Variants in ARIH2 observed in about 807,000 individuals in gnomAD.
ARIH2 encodes the protein E3 ubiquitin-protein ligase ARIH2.
A neutral mutation model predicts 79.8 loss-of-function variants in ARIH2; 12 were observed. The ratio of observed to expected loss-of-function variants is 0.15; its 90% CI spans 0.10 to 0.24. The LOEUF is 0.24. ARIH2 is among the 10% of genes least tolerant of loss of function. ARIH2 has a pLI of 1.00. For synonymous variants in ARIH2, 224 were observed against 213.9 expected (o/e 1.05, Z -0.41); for missense variants, 301 against 618.3 (o/e 0.49, Z 5.44).
chr3:48,980,016 G>A (rs1336515966), intron 12 of ARIH2: 4 of 241,458 alleles, frequency 1.7e-5, no homozygotes, highest in East Asian at 7.8e-5. Context: ...GTCAGATTTG[G>A]AAGGCAGTTT....
At chr3:48,976,453 C>T (rs1178651661) in intron 11 of ARIH2, among the ~76,000 whole-genome samples, 2 of 151,912 alleles carry the variant, frequency 1.3e-5, no homozygotes, top group South Asian at 2.1e-4. Context: ...CCAGGCAATC[C>T]GCCTGCCTCG....
intron 3 of ARIH2, among the ~76,000 whole-genome samples, chr3:48,935,391 A>G (rs2086969719): frequency 6.6e-6 from 1 of 152,212 alleles, no homozygotes; most frequent in East Asian, 1.9e-4. Context: ...GCTGTGTAGC[A>G]TGCCATCTTG....
chr3:48,939,757 CAAA>C (rs1190260583), intron 3 of ARIH2, among the ~76,000 whole-genome samples: 1 of 43,536 alleles, frequency 2.3e-5, no homozygotes, highest in Non-Finnish European at 6.6e-5. Context: ...GACTCCATCT[CAAA>C]AAAAAAAAAA....
At chr3:48,970,795 G>T in intron 8 of ARIH2, 91 bp downstream of exon 8, 1 of 966,314 alleles carries the variant, frequency 1.0e-6, no homozygotes, top group Non-Finnish European at 1.6e-6. Context: ...GGCGGCACTG[G>T]AAGAGGCAGG....
chr3:48,983,776 T>G lies in ARIH2; in HGVS notation c.*506T>G, dbSNP rs2107718325. 1.2e-5 allele frequency: 2 copies of G among 160,532 alleles called. No individual in the cohort carries two copies. Among genetic ancestry groups the G allele is most frequent in the African/African-American group, 4.8e-5 (2 of 41,618 alleles). 9.9% of individuals were successfully genotyped at this position (160,532 alleles called of 1,614,324 possible). Reference sequence around the variant, plus strand: ...GGCCCTGGGCCTCTGCTTTCCATATTCACGTTTGGCCAGAGTTGTAGTCCC... The same window carrying G: ...GGCCCTGGGCCTCTGCTTTCCATATGCACGTTTGGCCAGAGTTGTAGTCCC... On this transcript the variant is annotated 3_prime_UTR_variant, in exon 16 of 16. Coordinates refer to ENST00000356401, the MANE Select transcript of ARIH2 (RefSeq NM_006321.4).
chr3:48,950,954 T>C (rs550297492), intron 3 of ARIH2, among the ~76,000 whole-genome samples: 23 of 150,614 alleles, frequency 1.5e-4, no homozygotes, highest in South Asian at 4.2e-4. Context: ...TCTTCTTCTT[T>C]TTTTTTTTTT....
At chr3:48,979,837 C>A in intron 12 of ARIH2, 1 of 506,778 alleles carries the variant, frequency 2.0e-6, no homozygotes. Context: ...AGGGAAGGAC[C>A]TGGTACTGAC....
intron 2 of ARIH2, among the ~76,000 whole-genome samples, chr3:48,923,257 T>C (rs1377762918): frequency 6.6e-6 from 1 of 151,502 alleles, no homozygotes; most frequent in Non-Finnish European, 1.5e-5. Flanking sequence ...AAAAATTAGC[T>C]GGGCATTGTG....
At chr3:48,947,207 G>A (rs2089291455) in intron 3 of ARIH2, among the ~76,000 whole-genome samples, 1 of 152,186 alleles carries the variant, frequency 6.6e-6, no homozygotes. Flanking sequence ...TTGGGAGGCC[G>A]AGGCGGGGGG....
intron 11 of ARIH2, among the ~76,000 whole-genome samples, chr3:48,977,091 A>G (rs1291500373): frequency 1.3e-5 from 2 of 151,684 alleles, no homozygotes; most frequent in African/African-American, 4.8e-5. Context: ...AGTCCCAGCT[A>G]TTCGGGAGGC....
chr3:48,979,738 G>C, intron 12 of ARIH2, 105 bp downstream of exon 12: 1 of 1,270,640 alleles, frequency 7.9e-7, no homozygotes, highest in Non-Finnish European at 1.1e-6. Flanking sequence ...TGTGCACATA[G>C]AAGTCAGTGA....
intron 3 of ARIH2, chr3:48,943,225 G>T (rs1015009079): frequency 6.6e-6 from 1 of 151,924 alleles, no homozygotes; most frequent in African/African-American, 2.4e-5. Context: ...GATTCTTCAG[G>T]CTCCAGCCTG....
At chr3:48,943,317 G>A (rs979796060) in intron 3 of ARIH2, 4 of 151,938 alleles carry the variant, frequency 2.6e-5, no homozygotes, top group African/African-American at 9.7e-5. Context: ...CGCCCTTCTT[G>A]CAACCCTCGA....
chr3:48,961,337 T>C (rs2091236821), intron 3 of ARIH2, among the ~76,000 whole-genome samples: 1 of 152,194 alleles, frequency 6.6e-6, no homozygotes, highest in Admixed American at 6.5e-5. Flanking sequence ...TAGGTTGTTA[T>C]TTACTGTAAA....
intron 1 of ARIH2, among the ~76,000 whole-genome samples, chr3:48,921,843 C>T (rs1461040204): frequency 2.0e-5 from 3 of 151,854 alleles, no homozygotes; most frequent in Admixed American, 6.6e-5. Context: ...CCTCAACCTC[C>T]TGTGCTCAAG....
Position 48,964,747 on chromosome 3 carries a change from T to G in ARIH2, c.324-172T>G, listed in dbSNP as rs983571898. 1.8e-4 allele frequency among the ~76,000 whole-genome samples: 27 copies of G among 152,230 alleles called. No homozygotes were observed. Among genetic ancestry groups the G allele is most frequent in the Non-Finnish European group, 2.4e-4 (16 of 68,044 alleles). Reference sequence around the variant, plus strand: ...TATTTTTTATTATTCCTTTATATTTTGCATTTTCTGTCTTGAGAAAAAAAG... The same window carrying G: ...TATTTTTTATTATTCCTTTATATTTGGCATTTTCTGTCTTGAGAAAAAAAG... On this transcript the variant is annotated intron_variant, in intron 4 of 15. Coordinates refer to ENST00000356401, the MANE Select transcript of ARIH2 (RefSeq NM_006321.4).
At chr3:48,979,453 G>GTAAA (rs777167343) in intron 11 of ARIH2, 29 bp from the exon 12 acceptor site, 7 of 1,607,516 alleles carry the variant, frequency 4.4e-6, no homozygotes, top group Non-Finnish European at 5.1e-6. Flanking sequence ...TCTTGTAGAT[G>GTAAA]TAAATGACTC....
chr3:48,974,538 A>G, intron 9 of ARIH2: 1 of 512,984 alleles, frequency 1.9e-6, no homozygotes, highest in Non-Finnish European at 3.5e-6. Flanking sequence ...TGCTGATTCA[A>G]CTTGTGCTTA....
At chr3:48,919,161 A>G in intron 1 of ARIH2, 163 bp downstream of exon 1, 1 of 1,300,610 alleles carries the variant, frequency 7.7e-7, no homozygotes, top group Non-Finnish European at 9.7e-7. Flanking sequence ...ACCCGCCGTC[A>G]GCGGCCGGGC....
Sources: allele counts gnomAD v4.1 joint callset (sites outside exome capture counted in the v4.1 genomes callset), GRCh38; gene constraint gnomAD v4.1.1; transcripts MANE v1.5; gene names NCBI Gene and HGNC (gene_info 2026-07-23, HGNC 2026-07-21).